Variants in SLC35F4 observed in about 807,000 individuals in gnomAD.
The protein encoded by SLC35F4 is chromosome 14 open reading frame 36.
SLC35F4 carries 24 observed loss-of-function variants against 44.2 expected under a neutral mutation model. The ratio of observed to expected loss-of-function variants is 0.54; its 90% CI spans 0.39 to 0.76. The LOEUF (loss-of-function observed/expected upper bound fraction) is 0.76, where lower values mean the gene tolerates loss of function less well. SLC35F4 is among the 30% of genes least tolerant of loss of function. The pLI is 0.00. For missense variants in SLC35F4, 562 were observed against 586.1 expected (o/e 0.96, Z 0.42); for synonymous variants, 238 against 223.6 (o/e 1.06, Z -0.57).
chr14:57,663,845 A>G (rs905823524), intron 1 of SLC35F4, among the ~76,000 whole-genome samples: 3 of 152,196 alleles, frequency 2.0e-5, no homozygotes, highest in Admixed American at 1.3e-4. Flanking sequence ...AGGCAAAGCC[A>G]TAAGAAAGAG....
At chr14:57,949,219 T>C (rs190398919) in intron 1 of SLC35F4, among the ~76,000 whole-genome samples, 3 of 152,328 alleles carry the variant, frequency 2.0e-5, no homozygotes, top group Non-Finnish European at 4.4e-5. Flanking sequence ...CAGTGTTAGG[T>C]GCATATATAT....
In SLC35F4 at chr14:57,564,776, T is replaced by C. The variant is rs187845445; in HGVS notation, c.1217-400A>G. On this transcript the variant is annotated intron_variant, in intron 7 of 7. Transcript: ENST00000556826. ...AATTCATGTAATATAAAATTAACCA[T>C]TTTAAAGTGGACTTAGTGGCACTTA... Among the ~76,000 whole-genome samples the C allele has an allele frequency of 1.3e-3, 191 of 152,344 alleles. 1 individual carries two copies. The highest frequency in any genetic ancestry group is 4.3e-3 in the African/African-American group (180 of 41,590).
intron 1 of SLC35F4, among the ~76,000 whole-genome samples, chr14:57,789,731 A>G (rs1172329980): frequency 6.6e-6 from 1 of 152,206 alleles, no homozygotes; most frequent in East Asian, 1.9e-4. Flanking sequence ...ATGAATATCA[A>G]TGTGAAAATT....
intron 1 of SLC35F4, among the ~76,000 whole-genome samples, chr14:57,748,723 T>G (rs1437880067): frequency 6.6e-6 from 1 of 152,142 alleles, no homozygotes; most frequent in African/African-American, 2.4e-5. Context: ...ATTAGAATTG[T>G]TGCATCTAAA....
At chr14:57,649,131 C>T (rs981120790) in intron 1 of SLC35F4, among the ~76,000 whole-genome samples, 1 of 152,218 alleles carries the variant, frequency 6.6e-6, no homozygotes, top group African/African-American at 2.4e-5. Flanking sequence ...CACACCTTTT[C>T]CTTTCCTTCA....
chr14:57,890,469 T>C (rs1031277206), intron 1 of SLC35F4, among the ~76,000 whole-genome samples: 22 of 152,220 alleles, frequency 1.4e-4, no homozygotes, highest in African/African-American at 5.3e-4. Context: ...TGATTTTCTA[T>C]GAAAGACAAA....
chr14:57,761,777 A>G (rs17804591), intron 1 of SLC35F4, among the ~76,000 whole-genome samples: 5,219 of 152,268 alleles, frequency 0.034, 132 homozygotes, highest in South Asian at 0.059. Flanking sequence ...TGTGAAGGGA[A>G]CTATTTTAGC....
At chr14:57,892,961 T>C (rs1888801613) in intron 1 of SLC35F4, among the ~76,000 whole-genome samples, 1 of 152,230 alleles carries the variant, frequency 6.6e-6, no homozygotes. Flanking sequence ...TTATAGGTTA[T>C]GTTTAGTTTA....
chr14:57,874,471 CACAA>C (rs1888356468), intron 1 of SLC35F4, among the ~76,000 whole-genome samples: 1 of 152,154 alleles, frequency 6.6e-6, no homozygotes, highest in Non-Finnish European at 1.5e-5. Context: ...ACGAGCAAGG[CACAA>C]ACACTCAAGA....
At chr14:57,770,153 G>A (rs1359079210) in intron 1 of SLC35F4, among the ~76,000 whole-genome samples, 6 of 152,164 alleles carry the variant, frequency 3.9e-5, no homozygotes, top group Non-Finnish European at 8.8e-5. Flanking sequence ...TCTCCACTAA[G>A]GGAAGAGCCC....
chr14:57,600,485 G>A (rs1272129264), intron 1 of SLC35F4, among the ~76,000 whole-genome samples: 1 of 150,636 alleles, frequency 6.6e-6, no homozygotes, highest in African/African-American at 2.4e-5. Context: ...GAGGTCAGGA[G>A]ATCGAGACCA....
intron 1 of SLC35F4, among the ~76,000 whole-genome samples, chr14:57,849,125 C>T (rs1017835937): frequency 6.6e-6 from 1 of 152,180 alleles, no homozygotes; most frequent in African/African-American, 2.4e-5. Context: ...GAGTCCTTCA[C>T]TCTAGAATAT....
chr14:57,671,320 G>T (rs1191998467), intron 1 of SLC35F4, among the ~76,000 whole-genome samples: 1 of 151,916 alleles, frequency 6.6e-6, no homozygotes. Context: ...ACAGGTCTCA[G>T]GTCCAAAAGA....
intron 1 of SLC35F4, among the ~76,000 whole-genome samples, chr14:57,651,717 A>AGT (rs1182097077): frequency 1.3e-5 from 2 of 151,906 alleles, no homozygotes; most frequent in East Asian, 1.9e-4. Flanking sequence ...TCTGTGAGTG[A>AGT]GTGTGTGTGT....
At chr14:57,677,802 TA>T (rs58558109) in intron 1 of SLC35F4, among the ~76,000 whole-genome samples, 37,910 of 149,096 alleles carry the variant, frequency 0.25, 4,843 homozygotes, top group South Asian at 0.31. Context: ...TTCTCAGAAA[TA>T]AAAAAAAAAT....
At chr14:57,972,432 G>T (rs897169457), downstream of SLC35F4, among the ~76,000 whole-genome samples, 3 of 151,602 alleles carry the variant, frequency 2.0e-5, no homozygotes, top group African/African-American at 7.3e-5. Flanking sequence ...GAACAGGAAA[G>T]ATTTGAGCTA....
upstream of SLC35F4, among the ~76,000 whole-genome samples, chr14:57,867,563 T>C (rs990428321): frequency 3.3e-5 from 5 of 151,266 alleles, no homozygotes; most frequent in African/African-American, 1.2e-4. Context: ...GATGGGGAGC[T>C]AGCCATATAA....
rs145165525 is a variant in SLC35F4, at chr14:57,684,479, C to T, written c.104-90355G>A. Among the ~76,000 whole-genome samples, 875 of 152,248 alleles carry T rather than the reference C, an allele frequency of 5.7e-3. 8 individuals are homozygous for T. The highest frequency in any genetic ancestry group is 0.02 in the African/African-American group (836 of 41,538). Reference sequence around the variant, plus strand: ...CACATGTGCAGTTCACAATAGGGTTCGAGCTCCTATGAGAATCTAATGCCG... The same window carrying T: ...CACATGTGCAGTTCACAATAGGGTTTGAGCTCCTATGAGAATCTAATGCCG... On this transcript the variant is annotated intron_variant, in intron 1 of 7. Transcript: ENST00000556826.
intron 4 of SLC35F4, among the ~76,000 whole-genome samples, chr14:57,575,655 T>C (rs2068744932): frequency 6.6e-6 from 1 of 152,212 alleles, no homozygotes; most frequent in African/African-American, 2.4e-5. Context: ...GGGTGAGTCA[T>C]TGAAGGAAGA....
Sources: allele counts gnomAD v4.1 joint callset (sites outside exome capture counted in the v4.1 genomes callset), GRCh38; gene constraint gnomAD v4.1.1; transcripts MANE v1.5; gene names NCBI Gene and HGNC (gene_info 2026-07-23, HGNC 2026-07-21).